Variants in ZNF44 observed in about 807,000 individuals in gnomAD.
The protein encoded by ZNF44 is gonadotropin inducible transcription repressor-2.
In ZNF44, 9 loss-of-function variants were observed where a neutral mutation model predicts 11.7. The ratio of observed to expected loss-of-function variants is 0.77; its 90% CI spans 0.46 to 1.35. The LOEUF is 1.35. Ranked by LOEUF, ZNF44 falls within the 40% of genes most tolerant of loss-of-function variation. The probability of loss-of-function intolerance (pLI) is 0.00; values close to 1 mark genes in which losing one functional copy is unlikely to be tolerated. For synonymous variants in ZNF44, 224 were observed against 242.7 expected, an observed-to-expected ratio of 0.92 and a Z score of 0.72; for missense variants, 696 against 743.1, an observed-to-expected ratio of 0.94 and a Z score of 0.74.
chr19:12,285,290 T>C (rs1967683962), intron 1 of ZNF44: 1 of 253,090 alleles, frequency 4.0e-6, no homozygotes, highest in Admixed American at 5.5e-5. Flanking sequence ...ATTTTCACTC[T>C]TGTTGCCCAG....
At chr19:12,262,646 TAAAAATG>T (rs1378651445) in intron 5 of ZNF44, among the ~76,000 whole-genome samples, 3 of 152,180 alleles carry the variant, frequency 2.0e-5, no homozygotes, top group Admixed American at 6.5e-5. Flanking sequence ...AAAACTGACT[TAAAAATG>T]AAAAATGTAC....
chr19:12,277,506 C>G (rs971903777), intron 1 of ZNF44, among the ~76,000 whole-genome samples: 2 of 151,954 alleles, frequency 1.3e-5, no homozygotes, highest in African/African-American at 4.8e-5. Context: ...TCATAAATGT[C>G]TAAAGATGCT....
chr19:12,268,131 T>TACACACACAC (rs1230538619), downstream of ZNF44, among the ~76,000 whole-genome samples: 19 of 106,692 alleles, frequency 1.8e-4, no homozygotes, highest in Non-Finnish European at 2.1e-4. Context: ...TTGGTGTTCT[T>TACACACACAC]ACACACACAC....
intron 2 of ZNF44, among the ~76,000 whole-genome samples, chr19:12,233,005 A>T (rs1943765541): frequency 6.6e-6 from 1 of 152,116 alleles, no homozygotes; most frequent in South Asian, 2.1e-4. Context: ...CTCATTTTAA[A>T]ATTCACCTTA....
intron 5 of ZNF44, among the ~76,000 whole-genome samples, chr19:12,256,330 T>C (rs141819951): frequency 0.029 from 4,400 of 150,832 alleles, 126 homozygotes; most frequent in Non-Finnish European, 0.048. Flanking sequence ...CTACTAAAAC[T>C]ACAAAAAAAT....
chr19:12,278,793 T>G (rs1229273016), intron 1 of ZNF44, among the ~76,000 whole-genome samples: 1 of 152,110 alleles, frequency 6.6e-6, no homozygotes, highest in Admixed American at 6.5e-5. Flanking sequence ...GTATAATTTT[T>G]CTTTACAAAT....
exon 8 of ZNF44, chr19:12,247,645 G>C (rs777671816): frequency 7.4e-7 from 1 of 1,343,544 alleles, no homozygotes; most frequent in Non-Finnish European, 9.9e-7. Flanking sequence ...TCATGTCTTC[G>C]GGCAGAACTG....
chr19:12,292,108 C>T (rs1194433983), intron 1 of ZNF44, among the ~76,000 whole-genome samples: 3 of 152,028 alleles, frequency 2.0e-5, no homozygotes, highest in African/African-American at 2.4e-5. Context: ...GCAGGAGGAT[C>T]ACTTGAGCCC....
At chr19:12,246,654 GTATT>G (rs1288021613), downstream of ZNF44, among the ~76,000 whole-genome samples, 1 of 152,128 alleles carries the variant, frequency 6.6e-6, no homozygotes, top group Non-Finnish European at 1.5e-5. Flanking sequence ...TTCTTAAAGA[GTATT>G]TACAGAATAA....
At chr19:12,269,138 ACTGT>A (rs1966885690), downstream of ZNF44, among the ~76,000 whole-genome samples, 1 of 134,508 alleles carries the variant, frequency 7.4e-6, no homozygotes, top group Admixed American at 7.0e-5. Context: ...GGATACACTG[ACTGT>A]CTGCCCAGCA....
At chr19:12,260,672 G>C (rs1212835170) in intron 5 of ZNF44, 15 of 588,368 alleles carry the variant, frequency 2.5e-5, no homozygotes, top group South Asian at 1.9e-4. Flanking sequence ...TGTAAACCCA[G>C]GACCACTTTA....
At chr19:12,238,894 T>A (rs896221269), upstream of ZNF44, among the ~76,000 whole-genome samples, 4 of 152,204 alleles carry the variant, frequency 2.6e-5, no homozygotes, top group Non-Finnish European at 2.9e-5. Context: ...GTTCCCAACC[T>A]TAAGAGCCAG....
upstream of ZNF44, among the ~76,000 whole-genome samples, chr19:12,239,262 C>T (rs975163969): frequency 1.3e-5 from 2 of 151,700 alleles, no homozygotes; most frequent in African/African-American, 2.4e-5. Context: ...TATAGGTGCA[C>T]ACCACCATGC....
chr19:12,249,779 C>T (rs1299576713), intron 7 of ZNF44, among the ~76,000 whole-genome samples: 3 of 152,076 alleles, frequency 2.0e-5, no homozygotes, highest in Non-Finnish European at 4.4e-5. Flanking sequence ...CTTGAACTCC[C>T]GACCTCAGGT....
chr19:12,227,921 C>A (rs1185787159), intron 3 of ZNF44, among the ~76,000 whole-genome samples: 1 of 152,120 alleles, frequency 6.6e-6, no homozygotes, highest in Non-Finnish European at 1.5e-5. Flanking sequence ...TTTAATAAAA[C>A]CTTGTAGATG....
Position 12,276,095 on chromosome 19 carries a change from A to C in ZNF44, c.4-13T>G. 6.3e-7 allele frequency: 1 copy of C among 1,598,032 alleles called. No individual in the cohort carries two copies. Among genetic ancestry groups the C allele is most frequent in the Non-Finnish European group, 8.6e-7 (1 of 1,169,472 alleles). ...AGGCCACTGAGTCCTGAAACATCCC[A>C]TATGTCCAGAAAAGGAAGGTTGAAA... On this transcript the variant is annotated splice_polypyrimidine_tract_variant and intron_variant, in intron 1 of 3. Coordinates refer to ENST00000355684, the MANE Select transcript of ZNF44 (RefSeq NM_016264.4).
upstream of ZNF44, among the ~76,000 whole-genome samples, chr19:12,238,624 CAAAAA>C (rs760047200): frequency 0.084 from 5,272 of 62,616 alleles, 376 homozygotes; most frequent in African/African-American, 0.25. Flanking sequence ...GAGACTGTCT[CAAAAA>C]AAAAAAAAAA....
In ZNF44 at chr19:12,273,342, C is replaced by T; in HGVS notation, c.913G>A (p.Gly305Arg). Residue 305 changes from glycine (G) to arginine (R), a missense_variant, in exon 4 of 4, where the codon GGA (glycine) becomes AGA (arginine). Transcript: ENST00000355684. ...SLRVHERIHT[G>R]EKPYTCKQCG... Reference sequence around the variant, plus strand: ...TGTTTACATGTATAGGGTTTCTCTCCAGTGTGAATTCTTTCATGTACTCGA... The same window carrying T: ...TGTTTACATGTATAGGGTTTCTCTCTAGTGTGAATTCTTTCATGTACTCGA... The T allele has an allele frequency of 6.2e-7, 1 of 1,613,874 alleles. No homozygotes were observed. Among genetic ancestry groups the T allele is most frequent in the Non-Finnish European group, 8.5e-7 (1 of 1,179,914 alleles).
At chr19:12,262,906 A>T (rs1488188575) in intron 5 of ZNF44, among the ~76,000 whole-genome samples, 1 of 152,192 alleles carries the variant, frequency 6.6e-6, no homozygotes, top group African/African-American at 2.4e-5. Flanking sequence ...CAAATATTCT[A>T]ATCAGCTTAG....
Sources: allele counts gnomAD v4.1 joint callset (sites outside exome capture counted in the v4.1 genomes callset), GRCh38; gene constraint gnomAD v4.1.1; transcripts MANE v1.5; gene names NCBI Gene and HGNC (gene_info 2026-07-23, HGNC 2026-07-21).